Variants in ACACB observed in about 807,000 individuals in gnomAD.
The protein encoded by ACACB is acetyl-CoA carboxylase 2.
A neutral mutation model predicts 278.8 loss-of-function variants in ACACB; 209 were observed. That is an observed-to-expected ratio of 0.75 (90% CI 0.67 to 0.84). The LOEUF is 0.84. Ranked by LOEUF, ACACB falls within the 40% of genes least tolerant of loss-of-function variation. The probability of loss-of-function intolerance (pLI) is 0.00; values close to 1 mark genes in which losing one functional copy is unlikely to be tolerated. For missense variants in ACACB, 2,850 were observed against 3,269.0 expected, an observed-to-expected ratio of 0.87 and a Z score of 3.13; for synonymous variants, 1,174 against 1,285.6, an observed-to-expected ratio of 0.91 and a Z score of 1.86.
At chr12:109,156,221 C>G (rs189250956) in intron 2 of ACACB, among the ~76,000 whole-genome samples, 1 of 152,092 alleles carries the variant, frequency 6.6e-6, no homozygotes, top group African/African-American at 2.4e-5. Context: ...GGCAACATAG[C>G]AAGACCCCAT....
intron 34 of ACACB, 94 bp downstream of exon 34, chr12:109,237,474 G>C (rs1205661042): frequency 1.5e-6 from 2 of 1,320,548 alleles, no homozygotes; most frequent in East Asian, 5.1e-5. Context: ...TGCATGCTGG[G>C]GATGGAGAGT....
intron 16 of ACACB, among the ~76,000 whole-genome samples, chr12:109,195,720 TAAC>T (rs2045099950): frequency 6.7e-6 from 1 of 149,470 alleles, no homozygotes; most frequent in African/African-American, 2.6e-5. Flanking sequence ...TCCATGTTAT[TAAC>T]AAGTTTTTTT....
At chr12:109,186,985 TAGAG>T (rs1186935277) in intron 12 of ACACB, among the ~76,000 whole-genome samples, 1 of 151,702 alleles carries the variant, frequency 6.6e-6, no homozygotes, top group Non-Finnish European at 1.5e-5. Context: ...AAATTGTACT[TAGAG>T]GGAGACGGGC....
intron 36 of ACACB, 113 bp from the exon 37 acceptor site, chr12:109,242,324 T>C: frequency 8.2e-7 from 1 of 1,212,590 alleles, no homozygotes; most frequent in Non-Finnish European, 1.2e-6. Context: ...TGTCATGCCA[T>C]GTGACATGCT....
chr12:109,197,338 T>G (rs2045173657), intron 17 of ACACB, among the ~76,000 whole-genome samples, 185 bp downstream of exon 17: 1 of 152,088 alleles, frequency 6.6e-6, no homozygotes, highest in Admixed American at 6.5e-5. Context: ...TGGCAGATAT[T>G]TAGGGGAGGA....
At position 109,212,826 on chromosome 12, in the gene ACACB, T is replaced by G. The variant is rs1193786463; in HGVS notation, c.3250-10T>G. ...ATCAGCAGTCAGACCTGTCTTGTTT[T>G]CCCATCCAGATAGCCACCATCCTGG... is the stretch of plus-strand genomic sequence containing the variant. On this transcript the variant is annotated splice_polypyrimidine_tract_variant and intron_variant, in intron 21 of 52. Transcript: ENST00000338432. 3 of 1,612,860 alleles carry G rather than the reference T, an allele frequency of 1.9e-6. No individual in the cohort carries two copies. Among genetic ancestry groups the G allele is most frequent in the Non-Finnish European group, 2.5e-6 (3 of 1,178,932 alleles).
chr12:109,136,382 A>G (rs934593617), intron 1 of ACACB, among the ~76,000 whole-genome samples: 2 of 152,152 alleles, frequency 1.3e-5, no homozygotes, highest in African/African-American at 4.8e-5. Context: ...CATCTTAACA[A>G]TAAGTCTTCC....
Position 109,260,671 on chromosome 12 carries a change from CCTTAGCCTGG to C in ACACB, c.6674+23_6674+32del, listed in dbSNP as rs1593734050. 1 of 1,536,122 alleles carries C rather than the reference CCTTAGCCTGG, an allele frequency of 6.5e-7. No homozygotes were observed. The highest frequency in any genetic ancestry group is 1.4e-5 in the African/African-American group (1 of 72,312). Reference sequence around the variant, plus strand: ...CAAAGAGAGCAGGTGGGTGTGTTGCCCTTAGCCTGGCTTAGCCTTTTCTTGTTCTCCCAGC... The same window carrying C: ...CAAAGAGAGCAGGTGGGTGTGTTGCCCTTAGCCTTTTCTTGTTCTCCCAGC... On this transcript the variant is annotated intron_variant, in intron 48 of 52. Coordinates refer to ENST00000338432, the MANE Select transcript of ACACB (RefSeq NM_001093.4).
chr12:109,242,768 G>A, intron 37 of ACACB, 176 bp downstream of exon 37: 1 of 688,070 alleles, frequency 1.5e-6, no homozygotes, highest in Non-Finnish European at 2.3e-6. Context: ...AGGGAGGATT[G>A]CTTGAGCCCA....
At chr12:109,150,982 C>CTTTTTT (rs201382181) in intron 2 of ACACB, among the ~76,000 whole-genome samples, 3 of 137,328 alleles carry the variant, frequency 2.2e-5, no homozygotes, top group South Asian at 2.3e-4. Context: ...TTTTTTCTTT[C>CTTTTTT]TTTTTTTTTT....
rs1165405300 is a variant in ACACB, at chr12:109,188,104, G to A, written c.2086G>A (p.Ala696Thr). 1 of 1,613,292 alleles carries A rather than the reference G, an allele frequency of 6.2e-7. No individual in the cohort carries two copies. The highest frequency in any genetic ancestry group is 8.5e-7 in the Non-Finnish European group (1 of 1,179,290). Residue 696 changes from alanine to threonine, a missense_variant, in exon 13 of 53, where the codon GCG (alanine) becomes ACG (threonine). Physicochemically the swap from Ala to Thr is moderately conservative, Grantham distance 58 (BLOSUM62 0). Transcript: ENST00000338432. Reference sequence around the variant, plus strand: ...CGCTACTGGAGGCCTGCACGAGTTTGCGGATTCCCAATTTGGGCACTGCTT... The same window carrying A: ...CGCTACTGGAGGCCTGCACGAGTTTACGGATTCCCAATTTGGGCACTGCTT... ...VAATGGLHEFADSQFGHCFSW... is the reference protein window; with the variant it reads ...VAATGGLHEFTDSQFGHCFSW...
intron 11 of ACACB, 117 bp from the exon 12 acceptor site, chr12:109,185,462 T>A: frequency 9.2e-7 from 1 of 1,084,152 alleles, no homozygotes; most frequent in Non-Finnish European, 1.4e-6. Flanking sequence ...TATAGAGTAG[T>A]GTCTGTATAT....
chr12:109,227,186 A>C lies in ACACB; in HGVS notation c.3883-185A>C, dbSNP rs563809988. Among the ~76,000 whole-genome samples, 7 of 152,168 alleles carry C rather than the reference A, an allele frequency of 4.6e-5. No homozygotes were observed. The South Asian group carries it at 1.5e-3, about 32-fold the overall frequency. On this transcript the variant is annotated intron_variant, in intron 27 of 52. Coordinates refer to ENST00000338432, the MANE Select transcript of ACACB (RefSeq NM_001093.4). ...GACTGGTCTCGAACTCCTGGGTTCG[A>C]GTGACCTACCTGCCCTGGCCTTCCA...
chr12:109,149,286 C>T (rs1421271956), intron 2 of ACACB, among the ~76,000 whole-genome samples: 1 of 152,096 alleles, frequency 6.6e-6, no homozygotes, highest in Admixed American at 6.6e-5. Flanking sequence ...TATGGATAAC[C>T]TTTAAGTCGT....
chr12:109,194,638 G>GTGTGTT (rs563332670), intron 16 of ACACB, among the ~76,000 whole-genome samples: 5 of 151,006 alleles, frequency 3.3e-5, no homozygotes, highest in African/African-American at 1.2e-4. Flanking sequence ...GTGTGTGTGT[G>GTGTGTT]TGTGTGTGTG....
At chr12:109,204,343 C>A (rs2045430774) in intron 19 of ACACB, among the ~76,000 whole-genome samples, 1 of 142,676 alleles carries the variant, frequency 7.0e-6, no homozygotes, top group Non-Finnish European at 1.5e-5. Context: ...GGCGTGATCT[C>A]AGCTCACTGC....
intron 19 of ACACB, among the ~76,000 whole-genome samples, chr12:109,204,576 C>T (rs564187617): frequency 6.6e-6 from 1 of 151,968 alleles, no homozygotes; most frequent in African/African-American, 2.4e-5. Flanking sequence ...TGTCCAGCCT[C>T]AATACTAGAT....
chr12:109,210,280 CACATATCT>C lies in ACACB; in HGVS notation c.3249+928_3249+935del, dbSNP rs1318437789. 1.2e-4 allele frequency among the ~76,000 whole-genome samples: 7 copies of C among 59,746 alleles called. 1 individual carries two copies. Among genetic ancestry groups the C allele is most frequent in the South Asian group, 1.0e-3 (2 of 1,964 alleles). The allele number at this position is 59,746 out of a possible 152,430, so 39.2% of individuals were successfully genotyped here. On this transcript the variant is annotated intron_variant, in intron 21 of 52. Transcript: ENST00000338432. The stretch of plus-strand genomic sequence containing the variant: ...ATGTGTGTATATGTACATATACACA[CACATATCT>C]GTGTGTATATGTATATATACACACA...
chr12:109,232,243 T>G (rs1042608204), intron 28 of ACACB, among the ~76,000 whole-genome samples: 1 of 152,096 alleles, frequency 6.6e-6, no homozygotes, highest in African/African-American at 2.4e-5. Context: ...CAAGGGCAAG[T>G]TTGATGGAGG....
Sources: allele counts gnomAD v4.1 joint callset (sites outside exome capture counted in the v4.1 genomes callset), GRCh38; gene constraint gnomAD v4.1.1; transcripts MANE v1.5; gene names NCBI Gene and HGNC (gene_info 2026-07-23, HGNC 2026-07-21).